Variants in ANK2 observed in about 807,000 individuals in gnomAD.
ANK2 encodes ankyrin-2.
A neutral mutation model predicts 360.5 loss-of-function variants in ANK2; 83 were observed. The ratio of observed to expected loss-of-function variants is 0.23; its 90% CI spans 0.19 to 0.28. ANK2 has a LOEUF of 0.28. Among genes scored for constraint, ANK2 ranks in the 10% least tolerant of loss-of-function variants. The pLI, the probability that ANK2 is intolerant of heterozygous loss-of-function variation, is 1.00. For synonymous variants in ANK2, 1,740 were observed against 1,759.5 expected, an observed-to-expected ratio of 0.99 and a Z score of 0.28; for missense variants, 4,201 against 4,795.7, an observed-to-expected ratio of 0.88 and a Z score of 3.66.
chr4:112,947,440 A>G (rs1185810281), intron 2 of ANK2, among the ~76,000 whole-genome samples: 2 of 152,214 alleles, frequency 1.3e-5, no homozygotes, highest in Admixed American at 1.3e-4. Flanking sequence ...CAGAGAGAAG[A>G]TGACTGAAAT....
intron 2 of ANK2, among the ~76,000 whole-genome samples, chr4:113,187,309 CA>C (rs2098549497): frequency 6.6e-6 from 1 of 152,122 alleles, no homozygotes; most frequent in African/African-American, 2.4e-5. Context: ...CAGAGAAAAC[CA>C]TTTATCAGAA....
At chr4:113,348,199 CTT>C in intron 35 of ANK2, 75 bp from the exon 36 acceptor site, 1 of 1,465,132 alleles carries the variant, frequency 6.8e-7, no homozygotes, top group Non-Finnish European at 9.5e-7. Context: ...TTTATTTACT[CTT>C]TCCTTTTCTT....
chr4:113,200,731 A>G (rs2098817238), intron 4 of ANK2, among the ~76,000 whole-genome samples: 1 of 152,288 alleles, frequency 6.6e-6, no homozygotes, highest in Admixed American at 6.5e-5. Context: ...TCAACCATTG[A>G]TGAACACTTA....
the ANK2 span, among the ~76,000 whole-genome samples, chr4:112,809,033 A>G: frequency 6.6e-6 from 1 of 151,530 alleles, no homozygotes; most frequent in African/African-American, 2.4e-5. Flanking sequence ...TAATTTTTTT[A>G]TTTTTAGTAG....
At chr4:113,307,068 G>A (rs1427567369) in intron 23 of ANK2, among the ~76,000 whole-genome samples, 1 of 152,194 alleles carries the variant, frequency 6.6e-6, no homozygotes, top group Non-Finnish European at 1.5e-5. Context: ...TAACCAAAAT[G>A]CCCATAGGAA....
intron 35 of ANK2, 37 bp from the exon 36 acceptor site, chr4:113,348,239 C>CT: frequency 6.2e-7 from 1 of 1,608,858 alleles, no homozygotes; most frequent in Non-Finnish European, 8.5e-7. Flanking sequence ...TTCCTTCTCT[C>CT]TTTTTTCCAT....
the ANK2 span, among the ~76,000 whole-genome samples, chr4:112,713,608 C>T: frequency 2.6e-5 from 4 of 152,074 alleles, no homozygotes; most frequent in Admixed American, 2.0e-4. Flanking sequence ...TTGTGTGAAG[C>T]ATGTTTTTAT....
chr4:112,870,778 C>T (rs777726386), intron 1 of ANK2, among the ~76,000 whole-genome samples: 2 of 152,128 alleles, frequency 1.3e-5, no homozygotes, highest in South Asian at 2.1e-4. Flanking sequence ...ATTCTAGGTC[C>T]CTTACAATTC....
intron 4 of ANK2, among the ~76,000 whole-genome samples, chr4:113,225,209 C>T (rs1307654845): frequency 6.6e-6 from 1 of 152,104 alleles, no homozygotes; most frequent in African/African-American, 2.4e-5. Context: ...CCATAATATA[C>T]CTTCTTCACG....
chr4:113,145,844 T>A, intron 1 of ANK2: 4 of 1,289,286 alleles, frequency 3.1e-6, no homozygotes, highest in Non-Finnish European at 4.0e-6. Flanking sequence ...ACGGGCCCAC[T>A]GACAGCAGGA....
chr4:113,367,880 G>C, intron 42 of ANK2, 29 bp downstream of exon 42: 2 of 1,613,420 alleles, frequency 1.2e-6, no homozygotes, highest in Non-Finnish European at 1.7e-6. Context: ...CCTGTCAAAT[G>C]TAATACCAAA....
At chr4:112,762,005 C>T in the ANK2 span, among the ~76,000 whole-genome samples, 1 of 152,200 alleles carries the variant, frequency 6.6e-6, no homozygotes, top group Admixed American at 6.5e-5. Context: ...CAGGTGATGT[C>T]GTGCTAGAGA....
At chr4:112,926,357 A>G (rs1202927029) in intron 2 of ANK2, among the ~76,000 whole-genome samples, 1 of 152,196 alleles carries the variant, frequency 6.6e-6, no homozygotes, top group African/African-American at 2.4e-5. Flanking sequence ...AATAAAAAAG[A>G]TCTTTTCCTG....
Position 113,356,596 on chromosome 4 carries a change from G to T in ANK2, c.7978G>T (p.Val2660Leu), listed in dbSNP as rs140042254. The change falls in exon 38 of 46, where the codon GTG becomes TTG. Residue 2660 changes from valine (V) to leucine (L), a missense_variant. Transcript: ENST00000357077. ...GTTAGTAACTTCGGAGAGCAGGAAG[G>T]TGTCTTCCTCCTCAGAAAGTGAACC... is the stretch of plus-strand genomic sequence containing the variant. ...PVLVTSESRK[V>L]SSSSESEPEL... 4 of 1,614,084 alleles carry T rather than the reference G, an allele frequency of 2.5e-6. No homozygotes were observed. The highest frequency in any genetic ancestry group is 2.5e-6 in the Non-Finnish European group (3 of 1,179,964).
At chr4:112,955,446 G>A (rs140190359) in intron 2 of ANK2, among the ~76,000 whole-genome samples, 79 of 152,162 alleles carry the variant, frequency 5.2e-4, no homozygotes, top group East Asian at 4.8e-3. Context: ...GTAGATATGA[G>A]AGCGTTAATA....
At chr4:112,735,447 C>T in the ANK2 span, among the ~76,000 whole-genome samples, 1 of 152,090 alleles carries the variant, frequency 6.6e-6, no homozygotes, top group Non-Finnish European at 1.5e-5. Flanking sequence ...CCTTCATATC[C>T]CCCAATACAT....
chr4:113,259,763 T>G, intron 13 of ANK2, among the ~76,000 whole-genome samples: 1 of 151,524 alleles, frequency 6.6e-6, no homozygotes, highest in Admixed American at 6.6e-5. Context: ...ACTTTAAAAG[T>G]AATCATCATC....
At chr4:112,803,139 C>T in the ANK2 span, among the ~76,000 whole-genome samples, 9 of 152,110 alleles carry the variant, frequency 5.9e-5, no homozygotes, top group Admixed American at 1.3e-4. Flanking sequence ...AGTATTCCCT[C>T]GAGAATATCT....
chr4:112,722,980 A>G, the ANK2 span, among the ~76,000 whole-genome samples: 1 of 151,192 alleles, frequency 6.6e-6, no homozygotes, highest in East Asian at 1.9e-4. Flanking sequence ...AAAGGAAAAG[A>G]AAAAAAAAGA....
Sources: gnomAD v4.1 joint callset for allele counts (sites outside exome capture counted in the v4.1 genomes callset) on GRCh38, gnomAD v4.1.1 for gene constraint, MANE v1.5 for transcripts, NCBI Gene and HGNC (gene_info 2026-07-23, HGNC 2026-07-21) for gene names.